The following RNF167 variants were observed in gnomAD, a reference collection of about 807,000 sequenced individuals.
RNF167 encodes ring finger protein 167.
A neutral mutation model predicts 34.8 loss-of-function variants in RNF167; 19 were observed. The observed-to-expected ratio is 0.55, with a 90% CI of 0.38 to 0.80. The LOEUF (loss-of-function observed/expected upper bound fraction) is 0.80, where lower values mean the gene tolerates loss of function less well. RNF167 is among the 30% of genes least tolerant of loss of function. The pLI is 0.00. For missense variants in RNF167, 464 were observed against 447.0 expected, an observed-to-expected ratio of 1.04 and a Z score of -0.34; for synonymous variants, 200 against 170.4, an observed-to-expected ratio of 1.17 and a Z score of -1.35.
chr17:4,940,833 A>G lies in RNF167; in HGVS notation c.-77A>G, dbSNP rs1970718506. On this transcript the variant is annotated 5_prime_UTR_variant, in exon 2 of 10. Coordinates refer to ENST00000262482, the MANE Select transcript of RNF167 (RefSeq NM_015528.3). Reference sequence around the variant, plus strand: ...ACCCCTGGGATCCTAAAGGAGGGGCAGGGAGGGCGCAGAACTCCGCTTCTG... The same window carrying G: ...ACCCCTGGGATCCTAAAGGAGGGGCGGGGAGGGCGCAGAACTCCGCTTCTG... 2.2e-6 allele frequency: 3 copies of G among 1,354,890 alleles called. No homozygotes were observed. The highest frequency in any genetic ancestry group is 3.0e-6 in the Non-Finnish European group (3 of 996,904). 83.9% of individuals were successfully genotyped at this position (1,354,890 alleles called of 1,614,324 possible).
chr17:4,943,635 T>C (rs568913692), intron 8 of RNF167, 116 bp downstream of exon 8: 73 of 833,850 alleles, frequency 8.8e-5, no homozygotes, highest in Middle Eastern at 5.3e-4. Flanking sequence ...GTGGCTCACG[T>C]AATCCCAAGT....
Position 4,944,761 on chromosome 17 carries a change from G to T in RNF167, c.798G>T (p.Lys266Asn). ...CVDPWLTQTR[K>N]TCPICKQPVH... The stretch of plus-strand genomic sequence containing the variant: ...ACCCCTGGCTCACTCAGACCCGGAA[G>T]ACCTGCCCCATTTGCAAGCAGCCTG... Residue 266 changes from lysine (K) to asparagine (N), a missense_variant, in exon 10 of 10, where the codon AAG becomes AAT. Transcript: ENST00000262482. 1 of 1,613,222 alleles carries T rather than the reference G, an allele frequency of 6.2e-7. No homozygotes were observed. Among genetic ancestry groups the T allele is most frequent in the Non-Finnish European group, 8.5e-7 (1 of 1,179,526 alleles).
At chr17:4,940,218 C>G (rs1350764917), upstream of RNF167, 1 of 282,736 alleles carries the variant, frequency 3.5e-6, no homozygotes, top group Admixed American at 5.6e-5. Context: ...GTTTGAAGGT[C>G]TCGCGAGATC....
chr17:4,943,792 C>T (rs568220874), intron 8 of RNF167, among the ~76,000 whole-genome samples: 1 of 152,260 alleles, frequency 6.6e-6, no homozygotes, highest in South Asian at 2.1e-4. Context: ...CCCGGGAGTT[C>T]AGGCCAGCCT....
At chr17:4,940,124 G>A (rs1238690018), upstream of RNF167, 3 of 432,708 alleles carry the variant, frequency 6.9e-6, no homozygotes, top group Non-Finnish European at 1.2e-5. Flanking sequence ...GGAAGCGTGC[G>A]AGAAGGGGCG....
Position 4,941,161 on chromosome 17 carries a change from A to AT in RNF167, c.165+8dup, listed in dbSNP as rs762955694. 6.2e-7 allele frequency: 1 copy of AT among 1,611,766 alleles called. No individual in the cohort carries two copies. Among genetic ancestry groups the AT allele is most frequent in the South Asian group, 1.1e-5 (1 of 91,024 alleles). On this transcript the variant is annotated splice_donor_region_variant and intron_variant, in intron 3 of 9. Coordinates refer to ENST00000262482, the MANE Select transcript of RNF167 (RefSeq NM_015528.3). ...CTTGAGCCAGGAGGGCCTCCAGGTGATTTTCTTTCTTTTCTTTTCCTCCTT... is the reference window on the plus strand; with the variant it reads ...CTTGAGCCAGGAGGGCCTCCAGGTGATTTTTCTTTCTTTTCTTTTCCTCCTT...
Position 4,943,255 on chromosome 17 carries a change from C to T in RNF167, c.547C>T (p.Leu183=), listed in dbSNP as rs1429502624. 1 of 1,614,022 alleles carries T rather than the reference C, an allele frequency of 6.2e-7. No individual in the cohort carries two copies. Among genetic ancestry groups the T allele is most frequent in the Non-Finnish European group, 8.5e-7 (1 of 1,180,020 alleles). Residue 183 remains leucine, a synonymous_variant, in exon 7 of 10, where the codon CTG becomes TTG. Transcript: ENST00000262482. ...CATCCCTTTCACAGGGATTGTGGGA[C>T]TGCTGGTTTTGGCCATGGGAGCAGT... The part of the protein sequence containing the change: ...YLIPFTGIVG[L]LVLAMGAVMI...
intron 3 of RNF167, 56 bp from the exon 4 acceptor site, chr17:4,942,285 T>G: frequency 6.3e-7 from 1 of 1,597,352 alleles, no homozygotes; most frequent in South Asian, 1.1e-5. Context: ...GTGGCCCCTG[T>G]AGAGAGCAGA....
At chr17:4,944,667 C>G (rs1161045923) in intron 9 of RNF167, 29 bp downstream of exon 9, 1 of 1,614,134 alleles carries the variant, frequency 6.2e-7, no homozygotes, top group Non-Finnish European at 8.5e-7. Flanking sequence ...GCCCATGCCC[C>G]TCTGCCACCA....
At chr17:4,941,353 A>G (rs564145300) in intron 3 of RNF167, among the ~76,000 whole-genome samples, 196 bp downstream of exon 3, 1 of 152,264 alleles carries the variant, frequency 6.6e-6, no homozygotes, top group East Asian at 1.9e-4. Flanking sequence ...GAGGGAGAAG[A>G]CAGAGTGTCC....
intron 5 of RNF167, 71 bp from the exon 6 acceptor site, chr17:4,942,780 A>G: frequency 6.3e-7 from 1 of 1,588,150 alleles, no homozygotes; most frequent in Non-Finnish European, 8.6e-7. Flanking sequence ...CCAAAGTGCA[A>G]GATGCCAGGG....
chr17:4,944,042 G>A (rs1031878409), intron 8 of RNF167, among the ~76,000 whole-genome samples: 1 of 152,320 alleles, frequency 6.6e-6, no homozygotes, highest in South Asian at 2.1e-4. Flanking sequence ...TTCAGCTTGA[G>A]ATGCTGTCTT....
Position 4,941,085 on chromosome 17 carries a change from C to A in RNF167, c.93C>A (p.Asp31Glu). ...PTRGLIRATS[D>E]HNASMDFADL... ...GCCTTTTTTGTCCGCAGACCTCGGA[C>A]CACAATGCCAGCATGGACTTTGCAG... The change falls in exon 3 of 10, where the codon GAC (aspartate) becomes GAA (glutamate). Residue 31 changes from aspartate (D) to glutamate (E), a missense_variant. Asp to Glu is a conservative substitution (Grantham distance 45). Coordinates refer to ENST00000262482, the MANE Select transcript of RNF167 (RefSeq NM_015528.3). The A allele has an allele frequency of 6.2e-7, 1 of 1,614,196 alleles. No individual in the cohort carries two copies. Among genetic ancestry groups the A allele is most frequent in the Non-Finnish European group, 8.5e-7 (1 of 1,180,034 alleles).
At chr17:4,942,528 G>A (rs754243234) in intron 4 of RNF167, 49 bp from the exon 5 acceptor site, 2 of 1,613,430 alleles carry the variant, frequency 1.2e-6, no homozygotes, top group Non-Finnish European at 1.7e-6. Context: ...CAGGAATGAA[G>A]ACAGGTAAGG....
rs1383850007 is a variant in RNF167 at position 4,944,690 on chromosome 17, T to A, written c.752-25T>A. On this transcript the variant is annotated intron_variant, in intron 9 of 9. Transcript: ENST00000262482. ...CCCTCTGCCACCAGCAGCCACCAGGTGCTTCACCTTGTTCCTCTCTGCAGC... is the reference window on the plus strand; with the variant it reads ...CCCTCTGCCACCAGCAGCCACCAGGAGCTTCACCTTGTTCCTCTCTGCAGC... The A allele has an allele frequency of 3.1e-6, 5 of 1,614,132 alleles. No individual in the cohort carries two copies. In the Admixed American group the frequency reaches 5.0e-5, roughly 16 times the overall value.
In RNF167 at chr17:4,943,273, G is replaced by A; in HGVS notation, c.565G>A (p.Gly189Arg). Residue 189 changes from glycine (G) to arginine (R), a missense_variant, in exon 7 of 10, where the codon GGA (glycine) becomes AGA (arginine). Physicochemically the swap from Gly to Arg is moderately radical, Grantham distance 125. Coordinates refer to ENST00000262482, the MANE Select transcript of RNF167 (RefSeq NM_015528.3). ...GIVGLLVLAMGAVMIARCIQH... is the reference protein window; with the variant it reads ...GIVGLLVLAMRAVMIARCIQH... Reference sequence around the variant, plus strand: ...TGTGGGACTGCTGGTTTTGGCCATGGGAGCAGTAATGGTGAGTAGCTGAGG... The same window carrying A: ...TGTGGGACTGCTGGTTTTGGCCATGAGAGCAGTAATGGTGAGTAGCTGAGG... 1 of 1,613,996 alleles carries A rather than the reference G, an allele frequency of 6.2e-7. No homozygotes were observed. Among genetic ancestry groups the A allele is most frequent in the Non-Finnish European group, 8.5e-7 (1 of 1,179,880 alleles).
Position 4,945,108 on chromosome 17 carries a change from A to G in RNF167, c.*92A>G. 1 of 1,198,766 alleles carries G rather than the reference A, an allele frequency of 8.3e-7. No individual in the cohort carries two copies. Among genetic ancestry groups the G allele is most frequent in the South Asian group, 1.6e-5 (1 of 63,202 alleles). The allele number at this position is 1,198,766 out of a possible 1,614,324, so 74.3% of individuals were successfully genotyped here. ...GAGGGATAGGGGACATTCCATCCCA[A>G]GCTTCTCCCTTACCCACACCTATCC... On this transcript the variant is annotated 3_prime_UTR_variant, in exon 10 of 10. Transcript: ENST00000262482.
chr17:4,942,225 G>A, intron 3 of RNF167, 116 bp from the exon 4 acceptor site: 1 of 1,207,264 alleles, frequency 8.3e-7, no homozygotes, highest in Non-Finnish European at 1.2e-6. Context: ...CCCCAGGAAG[G>A]AGGAGGAAGT....
Position 4,942,566 on chromosome 17 carries a change from T to C in RNF167, c.292-11T>C, listed in dbSNP as rs767434102. On this transcript the variant is annotated splice_polypyrimidine_tract_variant and intron_variant, in intron 4 of 9. Coordinates refer to ENST00000262482, the MANE Select transcript of RNF167 (RefSeq NM_015528.3). Reference sequence around the variant, plus strand: ...CATGATGGCTCCTTGTCCTCTGCCTTGTCTCCCTAGGTCCTAAATGCCCAG... The same window carrying C: ...CATGATGGCTCCTTGTCCTCTGCCTCGTCTCCCTAGGTCCTAAATGCCCAG... The C allele has an allele frequency of 7.4e-6, 12 of 1,613,924 alleles. No homozygotes were observed. Among genetic ancestry groups the C allele is most frequent in the East Asian group, 2.2e-5 (1 of 44,892 alleles).
Sources: allele counts gnomAD v4.1 joint callset (sites outside exome capture counted in the v4.1 genomes callset), GRCh38; gene constraint gnomAD v4.1.1; transcripts MANE v1.5; gene names NCBI Gene and HGNC (gene_info 2026-07-23, HGNC 2026-07-21).